The following NRG3 variants were observed in gnomAD, a reference collection of about 807,000 sequenced individuals.
The protein encoded by NRG3 is pro-neuregulin-3, membrane-bound isoform.
NRG3 carries 31 observed loss-of-function variants against 66.9 expected under a neutral mutation model. That is an observed-to-expected ratio of 0.46 (90% CI 0.35 to 0.63). The LOEUF is 0.63. Among genes scored for constraint, NRG3 ranks in the 20% least tolerant of loss-of-function variants. The pLI, the probability that NRG3 is intolerant of heterozygous loss-of-function variation, is 0.00. For synonymous variants in NRG3, 393 were observed against 359.4 expected (o/e 1.09, Z -1.06); for missense variants, 910 against 878.9 (o/e 1.04, Z -0.45).
In NRG3 at chr10:82,362,546, G is replaced by GA. The variant is rs1564840125; in HGVS notation, c.953+3678_953+3679insA. ...TCACCACCATGCCCAGATAATTTCT[G>GA]GGTTTTTTTTTTTTTTTTTTTTTCG... On this transcript the variant is annotated intron_variant, in intron 2 of 8. Coordinates refer to ENST00000372141, the MANE Select transcript of NRG3 (RefSeq NM_001010848.4). 1.8e-4 allele frequency among the ~76,000 whole-genome samples: 16 copies of GA among 91,350 alleles called. No homozygotes were observed. In the South Asian group the frequency reaches 5.2e-3, roughly 30 times the overall value. The allele number at this position is 91,350 out of a possible 152,430, so 59.9% of individuals were successfully genotyped here. A position where few individuals can be genotyped will look rare whatever the true frequency, so the allele number is the denominator to read the frequency against.
At chr10:82,699,197 A>C (rs969119236) in intron 2 of NRG3, among the ~76,000 whole-genome samples, 7 of 151,302 alleles carry the variant, frequency 4.6e-5, no homozygotes, top group Non-Finnish European at 1.0e-4. Flanking sequence ...GTTCCTGTTA[A>C]GAACTCACTT....
chr10:82,383,506 T>G (rs1021032429), intron 2 of NRG3, among the ~76,000 whole-genome samples: 9 of 152,060 alleles, frequency 5.9e-5, no homozygotes, highest in Non-Finnish European at 1.0e-4. Flanking sequence ...TTTGTTTGCT[T>G]TTACATTTTT....
chr10:82,800,518 G>A (rs1485820619), intron 3 of NRG3, among the ~76,000 whole-genome samples: 1 of 152,160 alleles, frequency 6.6e-6, no homozygotes, highest in African/African-American at 2.4e-5. Flanking sequence ...TGTGCTGAAT[G>A]TTATAGGGAA....
chr10:82,315,715 G>C (rs1320724930), intron 1 of NRG3, among the ~76,000 whole-genome samples: 2 of 150,906 alleles, frequency 1.3e-5, no homozygotes, highest in Admixed American at 1.3e-4. Flanking sequence ...GCCGAGGCTG[G>C]AGTGCAGTGG....
intron 2 of NRG3, among the ~76,000 whole-genome samples, chr10:82,648,931 T>C (rs1433411753): frequency 6.6e-6 from 1 of 152,072 alleles, no homozygotes; most frequent in Admixed American, 6.6e-5. Context: ...CAACCCTTCA[T>C]GCTAAAAACT....
chr10:82,220,624 A>G (rs1051250521), intron 1 of NRG3, among the ~76,000 whole-genome samples: 2 of 152,158 alleles, frequency 1.3e-5, no homozygotes, highest in Non-Finnish European at 2.9e-5. Flanking sequence ...AAAAACTCCA[A>G]AATATCACAC....
chr10:82,555,950 C>T (rs1314779887), intron 2 of NRG3, among the ~76,000 whole-genome samples: 1 of 151,988 alleles, frequency 6.6e-6, no homozygotes, highest in Non-Finnish European at 1.5e-5. Context: ...CTGTCACTAA[C>T]CTCCTCTCTT....
chr10:81,877,108 C>T (rs1192270687), intron 1 of NRG3, among the ~76,000 whole-genome samples: 1 of 152,192 alleles, frequency 6.6e-6, no homozygotes, highest in East Asian at 1.9e-4. Context: ...GCATCTTCAA[C>T]CTGGGCTCAG....
chr10:82,164,289 A>C (rs935546510), intron 1 of NRG3, among the ~76,000 whole-genome samples: 2 of 152,138 alleles, frequency 1.3e-5, no homozygotes, highest in Non-Finnish European at 2.9e-5. Context: ...CATGCATAGA[A>C]TGTGTAATGA....
intron 4 of NRG3, among the ~76,000 whole-genome samples, chr10:82,906,063 T>C (rs1844711167): frequency 1.3e-5 from 2 of 152,188 alleles, no homozygotes; most frequent in South Asian, 4.1e-4. Context: ...CGTGCTATCC[T>C]GCTCATACAG....
intron 2 of NRG3, among the ~76,000 whole-genome samples, chr10:82,548,723 T>A (rs2044103236): frequency 6.6e-6 from 1 of 151,782 alleles, no homozygotes; most frequent in Admixed American, 6.6e-5. Flanking sequence ...AGGCAGGTAA[T>A]AAGCATGAAG....
chr10:82,798,488 T>C (rs954565100), intron 3 of NRG3, among the ~76,000 whole-genome samples: 20 of 152,172 alleles, frequency 1.3e-4, no homozygotes, highest in African/African-American at 4.6e-4. Flanking sequence ...AGAGCTAATT[T>C]GTAGGTTTAC....
intron 4 of NRG3, among the ~76,000 whole-genome samples, chr10:82,891,291 G>A (rs1275732136): frequency 6.6e-6 from 1 of 151,560 alleles, no homozygotes; most frequent in African/African-American, 2.4e-5. Flanking sequence ...TTCTGTGCAT[G>A]GACATTGTCT....
At chr10:82,030,197 G>A (rs1397841458) in intron 1 of NRG3, among the ~76,000 whole-genome samples, 1 of 152,054 alleles carries the variant, frequency 6.6e-6, no homozygotes, top group African/African-American at 2.4e-5. Context: ...AGCCAAAAAT[G>A]TCCCATAGAG....
intron 1 of NRG3, among the ~76,000 whole-genome samples, chr10:81,991,690 A>G (rs2060747783): frequency 6.6e-6 from 1 of 152,186 alleles, no homozygotes; most frequent in African/African-American, 2.4e-5. Context: ...AATGAAAACC[A>G]CACATGATTT....
At chr10:82,894,799 C>A (rs1323423172) in intron 4 of NRG3, among the ~76,000 whole-genome samples, 1 of 152,008 alleles carries the variant, frequency 6.6e-6, no homozygotes, top group African/African-American at 2.4e-5. Context: ...TAAATAGGTA[C>A]ACATGTGCCA....
intron 2 of NRG3, among the ~76,000 whole-genome samples, chr10:82,638,161 A>G (rs928509151): frequency 6.6e-6 from 1 of 152,216 alleles, no homozygotes; most frequent in Non-Finnish European, 1.5e-5. Flanking sequence ...AATTAAACAT[A>G]TGTATCACAT....
At chr10:82,662,420 A>G (rs1238183587) in intron 2 of NRG3, among the ~76,000 whole-genome samples, 1 of 152,168 alleles carries the variant, frequency 6.6e-6, no homozygotes, top group Non-Finnish European at 1.5e-5. Flanking sequence ...TATAATTAAT[A>G]GAAGGTCTGG....
chr10:82,301,606 T>C (rs2080402786), intron 1 of NRG3, among the ~76,000 whole-genome samples: 1 of 151,308 alleles, frequency 6.6e-6, no homozygotes, highest in South Asian at 2.1e-4. Context: ...CAATTATTTT[T>C]ATCACATTTT....
Sources: allele counts gnomAD v4.1 joint callset (sites outside exome capture counted in the v4.1 genomes callset), GRCh38; gene constraint gnomAD v4.1.1; transcripts MANE v1.5; gene names NCBI Gene and HGNC (gene_info 2026-07-23, HGNC 2026-07-21).